The following PHF3 variants were observed in gnomAD, a reference collection of about 807,000 sequenced individuals.
The protein encoded by PHF3 is PHD finger protein 3.
A neutral mutation model predicts 178.4 loss-of-function variants in PHF3; 41 were observed. The observed-to-expected ratio is 0.23, with a 90% CI of 0.18 to 0.30. PHF3 has a LOEUF of 0.30. Among genes scored for constraint, PHF3 ranks in the 10% least tolerant of loss-of-function variants. The pLI, the probability that PHF3 is intolerant of heterozygous loss-of-function variation, is 1.00. For missense variants in PHF3, 2,346 were observed against 2,398.1 expected, an observed-to-expected ratio of 0.98 and a Z score of 0.45; for synonymous variants, 842 against 800.5, an observed-to-expected ratio of 1.05 and a Z score of -0.88.
In PHF3 at chr6:63,720,663, T is replaced by G. The variant is rs1420530149; in HGVS notation, c.*6955T>G. On this transcript the variant is annotated 3_prime_UTR_variant, in exon 16 of 16. Transcript: ENST00000262043. ...TCCTTCTAATTTAATTAGTTCAATG[T>G]TTTTTGGTTCCTGAAAAAATACAAC... 6.5e-7 allele frequency: 1 copy of G among 1,540,570 alleles called. No individual in the cohort carries two copies. Among genetic ancestry groups the G allele is most frequent in the East Asian group, 2.5e-5 (1 of 40,766 alleles).
In PHF3 at chr6:63,720,515, C is replaced by T; in HGVS notation, c.*6807C>T. On this transcript the variant is annotated 3_prime_UTR_variant, in exon 16 of 16. Transcript: ENST00000262043. ...AGGTAATATAGTAAACAGTTGATTC[C>T]CCGTAAGCAATGTATCAAAGAAATA... The T allele has an allele frequency of 9.8e-7, 1 of 1,018,926 alleles. No homozygotes were observed. Among genetic ancestry groups the T allele is most frequent in the African/African-American group, 1.6e-5 (1 of 61,068 alleles). The allele number at this position is 1,018,926 out of a possible 1,614,324, so 63.1% of individuals were successfully genotyped here. A position where few individuals can be genotyped will look rare whatever the true frequency, so the allele number is the denominator to read the frequency against.
Position 63,711,326 on chromosome 6 carries a change from A to G in PHF3, c.3961A>G (p.Lys1321Glu), listed in dbSNP as rs763741068. The G allele has an allele frequency of 3.1e-6, 5 of 1,612,704 alleles. No homozygotes were observed. Among genetic ancestry groups the G allele is most frequent in the Admixed American group, 1.7e-5 (1 of 59,768 alleles). The change falls in exon 15 of 16, where the codon AAA becomes GAA. Residue 1321 changes from lysine (K) to glutamate (E), a missense_variant. Coordinates refer to ENST00000262043, the MANE Select transcript of PHF3 (RefSeq NM_001370348.2). The part of the protein sequence containing the change: ...MYLIPLGATD[K>E]IPHPLVPFDG... ...CCTTATTCCTTTGGGTGCCACAGAT[A>G]AAATTCCACACCCTCTTGTGCCTTT...
Position 63,721,209 on chromosome 6 carries a change from A to G in PHF3, c.*7501A>G, listed in dbSNP as rs958664985. On this transcript the variant is annotated 3_prime_UTR_variant, in exon 16 of 16. Coordinates refer to ENST00000262043, the MANE Select transcript of PHF3 (RefSeq NM_001370348.2). ...TTCACAATACCTTCCCACCCAACCC[A>G]AAGTACACAGGCAACTGTAAGAAAA... 5 of 1,551,620 alleles carry G rather than the reference A, an allele frequency of 3.2e-6. No individual in the cohort carries two copies. The African/African-American group carries it at 6.8e-5, about 21-fold the overall frequency.
intron 4 of PHF3, among the ~76,000 whole-genome samples, chr6:63,690,561 A>G (rs958684385): frequency 5.3e-5 from 8 of 152,140 alleles, no homozygotes; most frequent in Admixed American, 1.3e-4. Context: ...GTTACCTTCA[A>G]TATCCTCTCT....
At chr6:63,639,584 G>T (rs1480475190) in intron 1 of PHF3, among the ~76,000 whole-genome samples, 1 of 152,096 alleles carries the variant, frequency 6.6e-6, no homozygotes, top group Non-Finnish European at 1.5e-5. Context: ...GTGCATTATA[G>T]AGTGTAAAAG....
chr6:63,653,154 GT>G (rs559811903), intron 2 of PHF3, among the ~76,000 whole-genome samples: 6,498 of 84,546 alleles, frequency 0.077, 505 homozygotes, highest in African/African-American at 0.23. Context: ...ATGTTGGCTA[GT>G]TTTTTTTTTT....
intron 2 of PHF3, among the ~76,000 whole-genome samples, chr6:63,672,164 C>G (rs529431305): frequency 9.9e-5 from 15 of 152,244 alleles, no homozygotes; most frequent in African/African-American, 3.6e-4. Context: ...TTTTACCGAA[C>G]CAAGTCTGTA....
chr6:63,646,245 CAT>C (rs1764779328), intron 1 of PHF3, among the ~76,000 whole-genome samples: 1 of 151,980 alleles, frequency 6.6e-6, no homozygotes, highest in East Asian at 1.9e-4. Context: ...GGACTATATA[CAT>C]AGTTTTTTTT....
chr6:63,637,235 GTACT>G (rs1301678997), intron 1 of PHF3, among the ~76,000 whole-genome samples: 1 of 152,174 alleles, frequency 6.6e-6, no homozygotes, highest in Non-Finnish European at 1.5e-5. Context: ...TCTGTAGGGA[GTACT>G]TAAACAGTAC....
At chr6:63,674,630 G>T (rs1278406484) in intron 2 of PHF3, among the ~76,000 whole-genome samples, 1 of 151,870 alleles carries the variant, frequency 6.6e-6, no homozygotes, top group Non-Finnish European at 1.5e-5. Context: ...ATGTTAGAGG[G>T]GTAAGGTGTA....
chr6:63,657,130 T>C (rs1434220594), intron 2 of PHF3, among the ~76,000 whole-genome samples: 1 of 152,240 alleles, frequency 6.6e-6, no homozygotes, highest in East Asian at 1.9e-4. Flanking sequence ...TTCTTGTGTC[T>C]TTCCAACATT....
chr6:63,651,712 C>T (rs1360677686), intron 2 of PHF3, among the ~76,000 whole-genome samples: 2 of 152,062 alleles, frequency 1.3e-5, no homozygotes, highest in Non-Finnish European at 2.9e-5. Context: ...CCCCCTGCTC[C>T]TTCCCCTTCC....
At chr6:63,706,654 C>A in intron 12 of PHF3, 75 bp from the exon 13 acceptor site, 1 of 1,401,324 alleles carries the variant, frequency 7.1e-7, no homozygotes, top group Non-Finnish European at 9.8e-7. Context: ...TGCTAAAATA[C>A]GAGTAACTGA....
At chr6:63,690,142 C>G (rs1766932163) in intron 4 of PHF3, among the ~76,000 whole-genome samples, 1 of 152,112 alleles carries the variant, frequency 6.6e-6, no homozygotes, top group African/African-American at 2.4e-5. Context: ...ATGGGCCCAT[C>G]AAAAATCTCA....
rs1491127787 is a variant in PHF3 at position 63,715,809 on chromosome 6, G to GA, written c.*2108dup. Among the ~76,000 whole-genome samples the GA allele has an allele frequency of 2.0e-5, 3 of 151,838 alleles. No homozygotes were observed. The highest frequency in any genetic ancestry group is 1.9e-4 in the East Asian group (1 of 5,158). On this transcript the variant is annotated 3_prime_UTR_variant, in exon 16 of 16. Coordinates refer to ENST00000262043, the MANE Select transcript of PHF3 (RefSeq NM_001370348.2). ...AGCTATTTGAGGTTTTCCTTTTGAGGAAAAAAAGGGAAAATGAGCAGATTT... is the reference window on the plus strand; with the variant it reads ...AGCTATTTGAGGTTTTCCTTTTGAGGAAAAAAAAGGGAAAATGAGCAGATTT...
chr6:63,702,435 C>T, intron 9 of PHF3, 73 bp from the exon 10 acceptor site: 5 of 1,012,772 alleles, frequency 4.9e-6, no homozygotes, highest in Non-Finnish European at 7.0e-6. Flanking sequence ...TAGGTAAGCT[C>T]TTATTATTTA....
At chr6:63,697,391 T>C (rs142099611) in intron 6 of PHF3, among the ~76,000 whole-genome samples, 187 of 152,264 alleles carry the variant, frequency 1.2e-3, no homozygotes, top group African/African-American at 4.4e-3. Flanking sequence ...GAAATAGATA[T>C]CTTAAAAAGT....
intron 2 of PHF3, among the ~76,000 whole-genome samples, chr6:63,672,861 C>T (rs1765980819): frequency 6.6e-6 from 1 of 152,192 alleles, no homozygotes; most frequent in African/African-American, 2.4e-5. Context: ...TCACATAAGG[C>T]AAACACCAAC....
chr6:63,686,586 G>A (rs1766717113), intron 4 of PHF3, among the ~76,000 whole-genome samples: 3 of 152,072 alleles, frequency 2.0e-5, no homozygotes, highest in Non-Finnish European at 4.4e-5. Flanking sequence ...TCAGTGATTT[G>A]TAGTTTTATG....
Sources: gnomAD v4.1 joint callset for allele counts (sites outside exome capture counted in the v4.1 genomes callset) on GRCh38, gnomAD v4.1.1 for gene constraint, MANE v1.5 for transcripts, NCBI Gene and HGNC (gene_info 2026-07-23, HGNC 2026-07-21) for gene names.